CFAP70: variants seen among roughly 807,000 people sequenced by gnomAD.
CFAP70 encodes cilia- and flagella-associated protein 70.
In CFAP70, 81 loss-of-function variants were observed where a neutral mutation model predicts 137.6. The observed-to-expected ratio is 0.59, with a 90% confidence interval of 0.49 to 0.71. The LOEUF is 0.71. Ranked by LOEUF, CFAP70 falls within the 30% of genes least tolerant of loss-of-function variation. The pLI, the probability that CFAP70 is intolerant of heterozygous loss-of-function variation, is 0.00. For synonymous variants in CFAP70, 382 were observed against 423.6 expected (o/e 0.90, Z 1.20); for missense variants, 976 against 1,226.7 (o/e 0.80, Z 3.05).
In CFAP70 at chr10:73,330,492, T is replaced by C. The variant is rs192985925; in HGVS notation, c.777+685A>G. On this transcript the variant is annotated intron_variant, in intron 8 of 26. Transcript: ENST00000310715. ...AGTCCTATGTTCATGAGATAATATG[T>C]AGTTTTGAAATCTAAGGAAAGTTAG... Among the ~76,000 whole-genome samples the C allele has an allele frequency of 4.6e-5, 7 of 151,170 alleles. 1 individual carries two copies. The highest frequency in any genetic ancestry group is 4.0e-4 in the Admixed American group (6 of 15,146).
intron 19 of CFAP70, among the ~76,000 whole-genome samples, chr10:73,286,678 G>A (rs561247982): frequency 5.3e-5 from 8 of 152,278 alleles, no homozygotes; most frequent in Non-Finnish European, 8.8e-5. Flanking sequence ...ACCCAGTGGC[G>A]CTAGAGGAAT....
intron 4 of CFAP70, 78 bp downstream of exon 5, chr10:73,348,078 T>C (rs932767135): frequency 7.6e-7 from 1 of 1,324,360 alleles, no homozygotes. Context: ...TACACTCAAC[T>C]GAATTGAACC....
chr10:73,344,690 T>C (rs569628360), intron 5 of CFAP70, among the ~76,000 whole-genome samples: 1 of 152,330 alleles, frequency 6.6e-6, no homozygotes, highest in African/African-American at 2.4e-5. Context: ...TTCCTATACC[T>C]AGAAATTTGG....
intron 11 of CFAP70, 68 bp from the exon 13 acceptor site, chr10:73,310,317 G>C: frequency 9.6e-7 from 1 of 1,044,906 alleles, no homozygotes; most frequent in South Asian, 1.4e-5. Context: ...AGTAACATAA[G>C]ATGATGCTCA....
At chr10:73,349,444 G>A (rs2054010248) in intron 3 of CFAP70, among the ~76,000 whole-genome samples, 1 of 151,984 alleles carries the variant, frequency 6.6e-6, no homozygotes, top group South Asian at 2.1e-4. Flanking sequence ...TCAAGAGGCT[G>A]AGGCAGGAGA....
intron 9 of CFAP70, among the ~76,000 whole-genome samples, chr10:73,322,014 C>T (rs1198390878): frequency 6.6e-6 from 1 of 152,162 alleles, no homozygotes; most frequent in Non-Finnish European, 1.5e-5. Flanking sequence ...CAACTCTTGG[C>T]CTCAGGCAAT....
intron 23 of CFAP70, among the ~76,000 whole-genome samples, 180 bp downstream of exon 24, chr10:73,274,253 T>C (rs2046529204): frequency 1.3e-5 from 2 of 152,240 alleles, no homozygotes; most frequent in South Asian, 4.1e-4. Context: ...TCAGCCTGCC[T>C]GAGTTTGAAT....
chr10:73,340,149 A>C (rs955470082), intron 6 of CFAP70, among the ~76,000 whole-genome samples: 2 of 152,160 alleles, frequency 1.3e-5, no homozygotes, highest in African/African-American at 4.8e-5. Flanking sequence ...CTCAGAAGAG[A>C]GGAGACCCAC....
chr10:73,323,502 C>T (rs886594585), intron 8 of CFAP70, among the ~76,000 whole-genome samples: 1 of 152,162 alleles, frequency 6.6e-6, no homozygotes, highest in Non-Finnish European at 1.5e-5. Context: ...GCACCGTGTG[C>T]GAGCTGAAGC....
chr10:73,299,203 AGTTT>A (rs113530143), intron 13 of CFAP70, 102 bp from the exon 15 acceptor site: 120 of 837,312 alleles, frequency 1.4e-4, no homozygotes, highest in South Asian at 4.6e-4. Flanking sequence ...ATACTTTATT[AGTTT>A]GTTTGTTTGT....
At chr10:73,317,675 T>C (rs1033106942) in intron 9 of CFAP70, among the ~76,000 whole-genome samples, 2 of 152,200 alleles carry the variant, frequency 1.3e-5, no homozygotes, top group African/African-American at 2.4e-5. Flanking sequence ...TTACTACATA[T>C]TGTTGGTTGC....
chr10:73,312,697 G>T, intron 9 of CFAP70, 54 bp from the exon 11 acceptor site: 1 of 1,403,846 alleles, frequency 7.1e-7, no homozygotes, highest in South Asian at 1.5e-5. Flanking sequence ...AAACTTGAAA[G>T]AAATACACAT....
chr10:73,287,645 C>A (rs1260585749), intron 19 of CFAP70, among the ~76,000 whole-genome samples: 1 of 152,006 alleles, frequency 6.6e-6, no homozygotes, highest in African/African-American at 2.4e-5. Context: ...AATGAGGAAG[C>A]AAAGTATGAA....
Position 73,254,007 on chromosome 10 carries a change from C to A in CFAP70, c.3124G>T (p.Glu1042Ter). The A allele has an allele frequency of 6.2e-7, 1 of 1,606,020 alleles. No homozygotes were observed. The highest frequency in any genetic ancestry group is 1.7e-5 in the Admixed American group (1 of 59,934). ...GATGGATTTCCAAAGCCAACTGTTT[C>A]CTGTAGTGTGTGGATCTCTGCAAGC... The change falls in exon 27 of 27, where the codon GAA becomes TAA. Residue 1042 changes from glutamate (E) to a stop codon, truncating the protein, a stop_gained. Coordinates refer to ENST00000310715, the Ensembl canonical transcript of CFAP70. LOFTEE classifies it high-confidence loss of function.
At chr10:73,264,091 T>A (rs533981937) in intron 25 of CFAP70, among the ~76,000 whole-genome samples, 2 of 152,336 alleles carry the variant, frequency 1.3e-5, no homozygotes, top group Non-Finnish European at 2.9e-5. Context: ...TGTTTTATTT[T>A]TTCCCTATGC....
chr10:73,296,879 G>C (rs6480690), intron 15 of CFAP70, 163 bp downstream of exon 16: 2 of 652,962 alleles, frequency 3.1e-6, no homozygotes, highest in Non-Finnish European at 4.6e-6. Context: ...GTCTTAAACT[G>C]ATTAGGCTTA....
At chr10:73,312,011 A>C (rs1589439928) in intron 10 of CFAP70, 97 bp from the exon 12 acceptor site, 1 of 886,456 alleles carries the variant, frequency 1.1e-6, no homozygotes, top group South Asian at 1.4e-5. Context: ...ATGCAAACTA[A>C]CTGCAGCCAT....
intron 1 of CFAP70, among the ~76,000 whole-genome samples, chr10:73,356,112 A>G (rs977283215): frequency 3.3e-5 from 5 of 152,190 alleles, no homozygotes; most frequent in Non-Finnish European, 7.3e-5. Context: ...TTAGTCAGAT[A>G]TACTGTCAAT....
intron 9 of CFAP70, among the ~76,000 whole-genome samples, chr10:73,317,164 C>T (rs1340391682): frequency 1.3e-5 from 2 of 152,086 alleles, no homozygotes; most frequent in African/African-American, 2.4e-5. Context: ...ATTACAGGTG[C>T]ACGCCACCAT....
Sources: allele counts gnomAD v4.1 joint callset (sites outside exome capture counted in the v4.1 genomes callset), GRCh38; gene constraint gnomAD v4.1.1; transcripts MANE v1.5; gene names NCBI Gene and HGNC (gene_info 2026-07-23, HGNC 2026-07-21).